Variants in KCNMA1 observed in about 807,000 individuals in gnomAD.
KCNMA1 encodes the protein Calcium-activated potassium channel subunit alpha-1.
A neutral mutation model predicts 140.0 loss-of-function variants in KCNMA1; 29 were observed. The observed-to-expected ratio is 0.21, with a 90% CI of 0.15 to 0.28. The LOEUF (loss-of-function observed/expected upper bound fraction) is 0.28. KCNMA1 is among the 10% of genes least tolerant of loss of function. KCNMA1 has a pLI of 1.00. For missense variants in KCNMA1, 880 were observed against 1,602.2 expected (o/e 0.55, Z 7.70); for synonymous variants, 612 against 611.9 (o/e 1.00, Z 0.00).
At chr10:77,129,059 G>T (rs1480540465) in intron 5 of KCNMA1, among the ~76,000 whole-genome samples, 1 of 152,204 alleles carries the variant, frequency 6.6e-6, no homozygotes, top group Non-Finnish European at 1.5e-5. Flanking sequence ...GATTCAACGG[G>T]TCTGGGATAC....
intron 1 of KCNMA1, among the ~76,000 whole-genome samples, chr10:77,465,815 G>C (rs2097989902): frequency 6.6e-6 from 1 of 152,150 alleles, no homozygotes; most frequent in Admixed American, 6.5e-5. Flanking sequence ...TCAGCCCAAG[G>C]CTGCTCCATT....
chr10:77,059,748 A>G (rs1369781807), intron 14 of KCNMA1, among the ~76,000 whole-genome samples: 1 of 152,176 alleles, frequency 6.6e-6, no homozygotes, highest in African/African-American at 2.4e-5. Context: ...TCTATAGTTC[A>G]TATCATACTT....
chr10:77,434,088 C>T lies in KCNMA1; in HGVS notation c.379-30065G>A, dbSNP rs148257656. 5.2e-4 allele frequency among the ~76,000 whole-genome samples: 79 copies of T among 152,336 alleles called. 1 individual carries two copies. The highest frequency in any genetic ancestry group is 1.0e-3 in the Non-Finnish European group (69 of 68,032). On this transcript the variant is annotated intron_variant, in intron 1 of 27. Coordinates refer to ENST00000286628, the MANE Select transcript of KCNMA1 (RefSeq NM_001161352.2). ...CAACACACGGGACATTTATCTTCAA[C>T]GTCACCACCTAGCTTCAAGCTTCCT...
At chr10:77,189,878 A>G (rs544124531) in intron 3 of KCNMA1, among the ~76,000 whole-genome samples, 2 of 152,318 alleles carry the variant, frequency 1.3e-5, no homozygotes, top group East Asian at 3.9e-4. Context: ...TAATTTAATT[A>G]AAAATGTCAT....
At position 77,031,704 on chromosome 10, in the gene KCNMA1, T is replaced by C. The variant is rs549419045; in HGVS notation, c.1860-3813A>G. 7.9e-5 allele frequency among the ~76,000 whole-genome samples: 12 copies of C among 152,302 alleles called. No homozygotes were observed. The East Asian group carries it at 9.7e-4, about 12-fold the overall frequency. ...ATGCAGCCTCTGTTGGAGGTGTCCA[T>C]TGGGGAAGAGCAGAGCAAGGTGAAT... On this transcript the variant is annotated intron_variant, in intron 15 of 27. Transcript: ENST00000286628.
chr10:77,345,579 C>T (rs541673997), intron 2 of KCNMA1, among the ~76,000 whole-genome samples: 1 of 152,286 alleles, frequency 6.6e-6, no homozygotes, highest in African/African-American at 2.4e-5. Flanking sequence ...CAAATGCCAA[C>T]ATAGAATGAC....
intron 3 of KCNMA1, among the ~76,000 whole-genome samples, chr10:77,190,880 C>T (rs543243119): frequency 6.6e-6 from 1 of 152,152 alleles, no homozygotes; most frequent in South Asian, 2.1e-4. Flanking sequence ...CTTCAAGTGG[C>T]CCAATTTTCC....
In KCNMA1 at chr10:77,522,035, C is replaced by T. The variant is rs543874532; in HGVS notation, c.378+115230G>A. ...ACTAAAAATACAAAAATTAGCCAGG[C>T]GTGGTGGCAGGTCCCTGTAATCCCA... On this transcript the variant is annotated intron_variant, in intron 1 of 27. Transcript: ENST00000286628. Among the ~76,000 whole-genome samples, 10 of 152,078 alleles carry T rather than the reference C, an allele frequency of 6.6e-5. No homozygotes were observed. The South Asian group carries it at 1.7e-3, about 25-fold the overall frequency.
Position 77,637,764 on chromosome 10 carries a change from G to A in KCNMA1, c.-122C>T, listed in dbSNP as rs2093916566. ...CTGCCGCCGCCGCCGCCGCCGCGGA[G>A]CGCGGGAGGGGGGCGGGGAGGCGCC... On this transcript the variant is annotated 5_prime_UTR_variant, in exon 1 of 28. Transcript: ENST00000286628. 1 of 1,252,674 alleles carries A rather than the reference G, an allele frequency of 8.0e-7. No homozygotes were observed. The highest frequency in any genetic ancestry group is 4.3e-5 in the Admixed American group (1 of 23,512). The allele number at this position is 1,252,674 out of a possible 1,614,324, so 77.6% of individuals were successfully genotyped here. A position where few individuals can be genotyped will look rare whatever the true frequency, so the allele number is the denominator to read the frequency against.
At chr10:77,569,428 G>A (rs900564461) in intron 1 of KCNMA1, among the ~76,000 whole-genome samples, 7 of 137,460 alleles carry the variant, frequency 5.1e-5, no homozygotes, top group East Asian at 2.1e-4. Flanking sequence ...CAGAAATAAC[G>A]CTGCATATCT....
chr10:77,232,583 C>G (rs572385781), intron 3 of KCNMA1, among the ~76,000 whole-genome samples: 1 of 152,300 alleles, frequency 6.6e-6, no homozygotes, highest in East Asian at 1.9e-4. Context: ...TATTCATAAA[C>G]TGACCATTTT....
chr10:77,102,280 G>C (rs577367877), intron 9 of KCNMA1, among the ~76,000 whole-genome samples: 28 of 152,316 alleles, frequency 1.8e-4, no homozygotes, highest in South Asian at 8.3e-4. Flanking sequence ...AAATCCTTTA[G>C]AAATCAGTCT....
intron 1 of KCNMA1, among the ~76,000 whole-genome samples, chr10:77,474,917 G>A (rs16934860): frequency 0.18 from 27,873 of 152,064 alleles, 2,608 homozygotes; most frequent in Middle Eastern, 0.24. Flanking sequence ...AGCCTTCCAG[G>A]ACTAACAATT....
intron 2 of KCNMA1, among the ~76,000 whole-genome samples, chr10:77,379,205 C>A (rs1052234556): frequency 6.6e-6 from 1 of 152,160 alleles, no homozygotes; most frequent in Non-Finnish European, 1.5e-5. Flanking sequence ...AATTCTGAGC[C>A]TTTTTCCCAC....
chr10:77,351,659 T>C (rs184639463), intron 2 of KCNMA1, among the ~76,000 whole-genome samples: 1 of 152,358 alleles, frequency 6.6e-6, no homozygotes, highest in Non-Finnish European at 1.5e-5. Context: ...TCTGAGTATA[T>C]GAATTAGACT....
At chr10:76,995,849 G>A (rs1030447984) in intron 19 of KCNMA1, 1 of 366,894 alleles carries the variant, frequency 2.7e-6, no homozygotes, top group African/African-American at 2.1e-5. Context: ...GGTGTCCCTG[G>A]GAAGAAAGGT....
chr10:77,589,173 T>C (rs1258036943), intron 1 of KCNMA1, among the ~76,000 whole-genome samples: 1 of 152,248 alleles, frequency 6.6e-6, no homozygotes, highest in Non-Finnish European at 1.5e-5. Flanking sequence ...CCTTCATGGC[T>C]ACTTATAAAA....
intron 2 of KCNMA1, among the ~76,000 whole-genome samples, chr10:77,265,442 T>C (rs1371825317): frequency 1.3e-5 from 2 of 152,220 alleles, no homozygotes; most frequent in Non-Finnish European, 2.9e-5. Context: ...ACCTTATTTA[T>C]AAAAGATAAA....
intron 1 of KCNMA1, among the ~76,000 whole-genome samples, chr10:77,624,775 C>T (rs1200506575): frequency 1.3e-5 from 2 of 151,992 alleles, no homozygotes; most frequent in African/African-American, 4.8e-5. Context: ...TCCGGCGCTC[C>T]CTTAACTTCA....
Sources: allele counts gnomAD v4.1 joint callset (sites outside exome capture counted in the v4.1 genomes callset), GRCh38; gene constraint gnomAD v4.1.1; transcripts MANE v1.5; gene names NCBI Gene and HGNC (gene_info 2026-07-23, HGNC 2026-07-21).